The following KCNIP1 variants were observed in gnomAD, a reference collection of about 807,000 sequenced individuals.
The protein encoded by KCNIP1 is A-type potassium channel modulatory protein KCNIP1.
A neutral mutation model predicts 33.0 loss-of-function variants in KCNIP1; 18 were observed. The observed-to-expected ratio is 0.55, with a 90% CI of 0.38 to 0.81. The LOEUF is 0.81. KCNIP1 is among the 30% of genes least tolerant of loss of function. The pLI is 0.00. For missense variants in KCNIP1, 238 were observed against 271.6 expected (o/e 0.88, Z 0.87); for synonymous variants, 93 against 98.3 (o/e 0.95, Z 0.32).
rs77414128 is a variant in KCNIP1, at chr5:170,661,126, C to G, written c.62-57632C>G. ...CTGATATGTTTGATCACCCTGTCAG[C>G]CACCCAGGTGGAGAGGTTGAGGAGA... On this transcript the variant is annotated intron_variant, in intron 1 of 7. Coordinates refer to ENST00000328939, the MANE Select transcript of KCNIP1 (RefSeq NM_014592.4). 8.2e-3 allele frequency among the ~76,000 whole-genome samples: 1,254 copies of G among 152,288 alleles called. 12 individuals are homozygous for G. Among genetic ancestry groups the G allele is most frequent in the African/African-American group, 0.029 (1,192 of 41,566 alleles).
intron 1 of KCNIP1, among the ~76,000 whole-genome samples, chr5:170,477,468 G>A (rs918998220): frequency 3.8e-4 from 58 of 151,934 alleles, no homozygotes; most frequent in African/African-American, 9.2e-4. Flanking sequence ...GCAGAGTCTC[G>A]TTCTGTAGCC....
chr5:170,450,362 C>T lies in KCNIP1; in HGVS notation c.88+96398C>T, dbSNP rs192976374. ...TCATCCATCACTCAGCCAGGGTCTG[C>T]GGGTTGGACCCCGCATCTACTCACA... On this transcript the variant is annotated intron_variant, in intron 1 of 7. Transcript: ENST00000377360. 9.3e-4 allele frequency among the ~76,000 whole-genome samples: 141 copies of T among 152,276 alleles called. 1 individual carries two copies. The highest frequency in any genetic ancestry group is 3.0e-3 in the African/African-American group (126 of 41,556).
At chr5:170,680,535 C>G (rs1049592802) in intron 1 of KCNIP1, 21 of 152,222 alleles carry the variant, frequency 1.4e-4, no homozygotes, top group African/African-American at 5.1e-4. Context: ...GGTACAGTTT[C>G]CAGGGACATT....
At chr5:170,363,116 C>G (rs1358382035) in intron 1 of KCNIP1, among the ~76,000 whole-genome samples, 1 of 152,198 alleles carries the variant, frequency 6.6e-6, no homozygotes, top group African/African-American at 2.4e-5. Context: ...TATATTCAGT[C>G]CAGCCCTGTC....
intron 1 of KCNIP1, among the ~76,000 whole-genome samples, chr5:170,494,147 A>C (rs1338654101): frequency 1.3e-5 from 2 of 152,132 alleles, no homozygotes; most frequent in Admixed American, 1.3e-4. Context: ...AGCAAACCAC[A>C]TCAATTTCTC....
At chr5:170,516,980 T>G (rs1755150185) in intron 1 of KCNIP1, among the ~76,000 whole-genome samples, 1 of 151,958 alleles carries the variant, frequency 6.6e-6, no homozygotes, top group Admixed American at 6.6e-5. Flanking sequence ...GATGGTGGTG[T>G]GATGGTGGTG....
chr5:170,629,282 T>C (rs1017345847), intron 1 of KCNIP1, among the ~76,000 whole-genome samples: 8 of 152,172 alleles, frequency 5.3e-5, no homozygotes, highest in African/African-American at 1.4e-4. Flanking sequence ...GGCAGGGGCA[T>C]TGTTCATGCA....
chr5:170,551,085 G>A (rs775327407), intron 1 of KCNIP1, among the ~76,000 whole-genome samples: 9 of 152,122 alleles, frequency 5.9e-5, no homozygotes, highest in Non-Finnish European at 1.3e-4. Context: ...CACTCACTCC[G>A]TGCACTTTTA....
intron 1 of KCNIP1, among the ~76,000 whole-genome samples, chr5:170,623,569 G>A (rs556257655): frequency 6.6e-6 from 1 of 152,192 alleles, no homozygotes; most frequent in South Asian, 2.1e-4. Context: ...GTGACCCTAA[G>A]AGGCAAATAC....
chr5:170,377,290 G>A (rs1004083716), intron 1 of KCNIP1: 1 of 152,280 alleles, frequency 6.6e-6, no homozygotes, highest in Non-Finnish European at 1.5e-5. Context: ...CAGGGCTTCT[G>A]GCGTGGTGGG....
At chr5:170,396,588 T>C (rs1754768140) in intron 1 of KCNIP1, among the ~76,000 whole-genome samples, 2 of 152,150 alleles carry the variant, frequency 1.3e-5, no homozygotes, top group Admixed American at 6.5e-5. Flanking sequence ...CAAATGGGGA[T>C]GGATTCAAAG....
rs573027631 is a variant in KCNIP1, at chr5:170,557,987, G to C, written c.61+53354G>C. ...ATGGTGGCACTTATTTCCATATTCA[G>C]CCCTGAGGCTGGCTGTGGTCTACTA... On this transcript the variant is annotated intron_variant, in intron 1 of 7. Coordinates refer to ENST00000328939, the MANE Select transcript of KCNIP1 (RefSeq NM_014592.4). 5.9e-5 allele frequency among the ~76,000 whole-genome samples: 9 copies of C among 152,260 alleles called. No individual in the cohort carries two copies. The South Asian group carries it at 1.9e-3, about 32-fold the overall frequency.
chr5:170,712,270 G>A (rs985131912), intron 1 of KCNIP1, among the ~76,000 whole-genome samples: 1 of 152,108 alleles, frequency 6.6e-6, no homozygotes, highest in African/African-American at 2.4e-5. Flanking sequence ...TTCTGCATCT[G>A]GTTACTAATC....
intron 1 of KCNIP1, among the ~76,000 whole-genome samples, chr5:170,479,512 A>G (rs1756927271): frequency 6.6e-6 from 1 of 152,350 alleles, no homozygotes; most frequent in Non-Finnish European, 1.5e-5. Flanking sequence ...ACCTTCTGCA[A>G]AGGACCAAGA....
At chr5:170,627,095 G>A (rs758441993) in intron 1 of KCNIP1, among the ~76,000 whole-genome samples, 10 of 152,118 alleles carry the variant, frequency 6.6e-5, no homozygotes, top group Non-Finnish European at 1.2e-4. Flanking sequence ...TGGCTCTGAC[G>A]ATGCATCCCT....
chr5:170,526,720 T>TTTTTTGC (rs1491227109), intron 1 of KCNIP1, among the ~76,000 whole-genome samples: 1 of 98,970 alleles, frequency 1.0e-5, no homozygotes, highest in African/African-American at 7.0e-5. Flanking sequence ...TCTGATTAGC[T>TTTTTTGC]TTTTTTTTTT....
At chr5:170,556,572 A>T (rs1756856087) in intron 1 of KCNIP1, among the ~76,000 whole-genome samples, 1 of 152,204 alleles carries the variant, frequency 6.6e-6, no homozygotes, top group South Asian at 2.1e-4. Context: ...AGAGGGGCAG[A>T]GGAACAAGGA....
At chr5:170,731,879 A>G (rs1764215785) in intron 5 of KCNIP1, among the ~76,000 whole-genome samples, 1 of 20,168 alleles carries the variant, frequency 5.0e-5, no homozygotes, top group Non-Finnish European at 1.1e-4. Flanking sequence ...TCTCAAAAAA[A>G]AAAAAAAAAA....
chr5:170,503,603 C>T (rs999034129), upstream of KCNIP1, among the ~76,000 whole-genome samples: 3 of 151,872 alleles, frequency 2.0e-5, no homozygotes, highest in East Asian at 3.9e-4. Flanking sequence ...CTGGGTGGGG[C>T]AGACTTTCCC....
Sources: gnomAD v4.1 joint callset for allele counts (sites outside exome capture counted in the v4.1 genomes callset) on GRCh38, gnomAD v4.1.1 for gene constraint, MANE v1.5 for transcripts, NCBI Gene and HGNC (gene_info 2026-07-23, HGNC 2026-07-21) for gene names.